BACH2: variants seen among roughly 807,000 people sequenced by gnomAD.
BACH2 encodes BACH transcriptional regulator 2.
In BACH2, 5 loss-of-function variants were observed where a neutral mutation model predicts 61.8. That is an observed-to-expected ratio of 0.08 (90% CI 0.04 to 0.17). The LOEUF is 0.17. BACH2 is among the 10% of genes least tolerant of loss of function. BACH2 has a pLI of 1.00. For missense variants in BACH2, 824 were observed against 1,091.1 expected, an observed-to-expected ratio of 0.76 and a Z score of 3.45; for synonymous variants, 446 against 440.1, an observed-to-expected ratio of 1.01 and a Z score of -0.17.
chr6:90,167,759 A>G (rs1414619348), intron 4 of BACH2, among the ~76,000 whole-genome samples: 3 of 152,116 alleles, frequency 2.0e-5, no homozygotes, highest in African/African-American at 7.2e-5. Flanking sequence ...CACTTTATTC[A>G]ATGATTGAGA....
At chr6:90,281,738 T>C (rs1771865020) in intron 1 of BACH2, among the ~76,000 whole-genome samples, 1 of 152,222 alleles carries the variant, frequency 6.6e-6, no homozygotes, top group African/African-American at 2.4e-5. Context: ...TGCACTTTTA[T>C]TTGTTTAACA....
At chr6:90,173,192 T>C (rs1469839960) in intron 4 of BACH2, among the ~76,000 whole-genome samples, 1 of 149,912 alleles carries the variant, frequency 6.7e-6, no homozygotes. Flanking sequence ...GCAGGACAAA[T>C]AGCAAAAAAT....
chr6:90,062,010 GT>G (rs1201067998), intron 5 of BACH2, among the ~76,000 whole-genome samples: 1 of 152,118 alleles, frequency 6.6e-6, no homozygotes, highest in Non-Finnish European at 1.5e-5. Context: ...GACACAAGAA[GT>G]TTTTTCCTGG....
chr6:90,140,289 G>A (rs1342319545), intron 4 of BACH2, among the ~76,000 whole-genome samples: 2 of 152,104 alleles, frequency 1.3e-5, no homozygotes, highest in African/African-American at 4.8e-5. Context: ...TCTGCTAATT[G>A]GTAGACAAAG....
chr6:90,071,938 T>C (rs1376904794), intron 5 of BACH2, among the ~76,000 whole-genome samples: 1 of 152,080 alleles, frequency 6.6e-6, no homozygotes, highest in South Asian at 2.1e-4. Context: ...GGTATTCACA[T>C]TGAGCAGACT....
chr6:90,095,528 T>C (rs1002709023), intron 4 of BACH2, among the ~76,000 whole-genome samples: 1 of 152,192 alleles, frequency 6.6e-6, no homozygotes, highest in Non-Finnish European at 1.5e-5. Context: ...ATTCACTTAT[T>C]TGACATTCAA....
rs1308218892 is a variant in BACH2 at position 89,951,157 on chromosome 6, C to T, written c.949G>A (p.Ala317Thr). 6.2e-7 allele frequency: 1 copy of T among 1,612,574 alleles called. No homozygotes were observed. Among genetic ancestry groups the T allele is most frequent in the Middle Eastern group, 1.7e-4 (1 of 5,916 alleles). The change falls in exon 7 of 9, where the codon GCC (alanine) becomes ACC (threonine). Residue 317 changes from alanine to threonine, a missense_variant. Coordinates refer to ENST00000257749, the MANE Select transcript of BACH2 (RefSeq NM_021813.4). The surrounding 1 kb of genome is among the most constrained non-coding windows in gnomAD (Gnocchi z 6.4). ...VEMDRKQPSP[A>T]PTPTAPAGAA... is the part of the protein sequence containing the mutation. Reference sequence around the variant, plus strand: ...CCAGCTGGGGCCGTGGGGGTAGGGGCAGGGCTGGGCTGTTTCCGGTCCATC... The same window carrying T: ...CCAGCTGGGGCCGTGGGGGTAGGGGTAGGGCTGGGCTGTTTCCGGTCCATC...
Position 90,134,247 on chromosome 6 carries a change from T to G in BACH2, c.-161-45138A>C, listed in dbSNP as rs149164660. On this transcript the variant is annotated intron_variant, in intron 4 of 8. Coordinates refer to ENST00000257749, the MANE Select transcript of BACH2 (RefSeq NM_021813.4). The stretch of plus-strand genomic sequence containing the variant: ...GATCGCCATTCTAACTGGTGTGAGA[T>G]GGTATCTCATTGTGGTTTTGATTTG... Among the ~76,000 whole-genome samples, 673 of 152,340 alleles carry G rather than the reference T, an allele frequency of 4.4e-3. 4 individuals carry two copies. The highest frequency in any genetic ancestry group is 0.016 in the African/African-American group (649 of 41,594).
chr6:90,001,989 C>A (rs1431915985), intron 6 of BACH2, among the ~76,000 whole-genome samples: 2 of 152,224 alleles, frequency 1.3e-5, no homozygotes, highest in Non-Finnish European at 2.9e-5. Context: ...AGAACACAAT[C>A]AAATTGGTTT....
chr6:90,176,151 T>C (rs1241345080), intron 4 of BACH2, among the ~76,000 whole-genome samples: 1 of 152,184 alleles, frequency 6.6e-6, no homozygotes, highest in East Asian at 1.9e-4. Flanking sequence ...ATTTCTTCCT[T>C]CCAAGCCCTG....
intron 6 of BACH2, among the ~76,000 whole-genome samples, chr6:89,964,891 T>C (rs191646440): frequency 6.6e-6 from 1 of 152,232 alleles, no homozygotes; most frequent in Admixed American, 6.5e-5. Flanking sequence ...TTAGATGTAA[T>C]TCTTTTTTTT....
At chr6:89,963,406 A>T (rs1405423724) in intron 6 of BACH2, among the ~76,000 whole-genome samples, 1 of 152,082 alleles carries the variant, frequency 6.6e-6, no homozygotes, top group African/African-American at 2.4e-5. Context: ...TGCTCCTCCC[A>T]TCTCAGTTTC....
intron 4 of BACH2, among the ~76,000 whole-genome samples, chr6:90,111,256 C>T (rs1783158113): frequency 2.0e-5 from 3 of 152,200 alleles, no homozygotes; most frequent in African/African-American, 7.2e-5. Context: ...CTGTCCAGGC[C>T]ACCACCATCT....
At chr6:90,293,892 A>G (rs1005983188) in intron 1 of BACH2, among the ~76,000 whole-genome samples, 4 of 152,212 alleles carry the variant, frequency 2.6e-5, no homozygotes, top group Non-Finnish European at 5.9e-5. Context: ...CTTACACAGC[A>G]GCCAGAGGTG....
intron 4 of BACH2, among the ~76,000 whole-genome samples, chr6:90,134,835 C>T (rs1784218449): frequency 6.6e-6 from 1 of 152,178 alleles, no homozygotes; most frequent in Non-Finnish European, 1.5e-5. Context: ...GAGGGTCTGA[C>T]AGGGCTGGGG....
intron 2 of BACH2, among the ~76,000 whole-genome samples, chr6:90,262,409 C>T (rs1771189723): frequency 6.6e-6 from 1 of 152,166 alleles, no homozygotes; most frequent in Non-Finnish European, 1.5e-5. Context: ...GCCCCATTCC[C>T]AGGCCATTCA....
chr6:90,087,509 A>C (rs1420140239), intron 5 of BACH2, among the ~76,000 whole-genome samples: 3 of 152,204 alleles, frequency 2.0e-5, no homozygotes, highest in African/African-American at 4.8e-5. Flanking sequence ...CATGTGTCCA[A>C]ATGTACATTT....
At chr6:90,254,526 C>T (rs182972987) in intron 2 of BACH2, among the ~76,000 whole-genome samples, 5 of 152,024 alleles carry the variant, frequency 3.3e-5, no homozygotes, top group African/African-American at 1.2e-4. Context: ...AAATTAATTG[C>T]TCTCTACCTG....
intron 1 of BACH2, among the ~76,000 whole-genome samples, chr6:90,296,096 C>A: frequency 6.6e-6 from 1 of 152,114 alleles, no homozygotes; most frequent in East Asian, 2.0e-4. Context: ...GCTGCTGCGG[C>A]TCGCGCGGAC....
Sources: gnomAD v4.1 joint callset for allele counts (sites outside exome capture counted in the v4.1 genomes callset) on GRCh38, gnomAD v4.1.1 for gene constraint, Gnocchi (gnomAD v3.1) non-coding constraint, MANE v1.5 for transcripts, NCBI Gene and HGNC (gene_info 2026-07-23, HGNC 2026-07-21) for gene names.